The following XKR9 variants were observed in gnomAD, a reference collection of about 807,000 sequenced individuals.
The protein encoded by XKR9 is XK related 9, also known as XK-related protein 9.
XKR9 carries 32 observed loss-of-function variants against 32.0 expected under a neutral mutation model. The observed-to-expected ratio is 1.00, with a 90% confidence interval of 0.76 to 1.34. XKR9 has a LOEUF of 1.34. Ranked by LOEUF, XKR9 falls within the 40% of genes most tolerant of loss-of-function variation. The pLI is 0.00. For synonymous variants in XKR9, 168 were observed against 143.4 expected (o/e 1.17, Z -1.22); for missense variants, 546 against 429.7 (o/e 1.27, Z -2.39).
At chr8:70,729,280 C>T (rs1002003402) in intron 4 of XKR9, among the ~76,000 whole-genome samples, 1 of 152,084 alleles carries the variant, frequency 6.6e-6, no homozygotes, top group African/African-American at 2.4e-5. Context: ...AAATTTTGTT[C>T]ATAGGAATGT....
At chr8:70,675,923 A>ATGT (rs1818870072) in intron 2 of XKR9, among the ~76,000 whole-genome samples, 1 of 152,106 alleles carries the variant, frequency 6.6e-6, no homozygotes, top group Non-Finnish European at 1.5e-5. Flanking sequence ...CACTGTTTTC[A>ATGT]TGTTTTCAGG....
the XKR9 span, among the ~76,000 whole-genome samples, chr8:70,914,012 GT>G: frequency 6.6e-6 from 1 of 152,032 alleles, no homozygotes; most frequent in Non-Finnish European, 1.5e-5. Flanking sequence ...GCTGTTTCCA[GT>G]TTGGGCTATT....
At chr8:70,864,392 T>A in the XKR9 span, among the ~76,000 whole-genome samples, 7 of 152,222 alleles carry the variant, frequency 4.6e-5, no homozygotes, top group Non-Finnish European at 1.5e-5. Context: ...CCATGTATGA[T>A]TCTATGAGCA....
At chr8:70,852,278 AAAC>A in the XKR9 span, among the ~76,000 whole-genome samples, 40 of 152,336 alleles carry the variant, frequency 2.6e-4, no homozygotes, top group African/African-American at 8.7e-4. Flanking sequence ...AAAAGTCAGG[AAAC>A]AACAGCTGCT....
the XKR9 span, among the ~76,000 whole-genome samples, chr8:70,912,661 A>C: frequency 1.7e-3 from 252 of 152,280 alleles, 1 homozygote; most frequent in African/African-American, 5.8e-3. Flanking sequence ...TCTGGAGCTC[A>C]GACCGCAGAA....
the XKR9 span, among the ~76,000 whole-genome samples, chr8:70,895,651 T>C: frequency 6.6e-6 from 1 of 151,994 alleles, no homozygotes; most frequent in Non-Finnish European, 1.5e-5. Context: ...ATGTTAGCTA[T>C]AGATTTTTTG....
chr8:70,747,905 A>G (rs1272069538), intron 2 of XKR9, among the ~76,000 whole-genome samples: 2 of 152,170 alleles, frequency 1.3e-5, no homozygotes, highest in East Asian at 3.8e-4. Context: ...AATAATAATA[A>G]TGTCTTCATG....
At chr8:70,802,499 T>C in the XKR9 span, among the ~76,000 whole-genome samples, 2 of 152,324 alleles carry the variant, frequency 1.3e-5, no homozygotes, top group East Asian at 3.9e-4. Context: ...TATTTATATG[T>C]GTGGGTTTGA....
the XKR9 span, among the ~76,000 whole-genome samples, chr8:70,851,768 A>C: frequency 1.3e-5 from 2 of 152,236 alleles, no homozygotes; most frequent in African/African-American, 4.8e-5. Flanking sequence ...CTTACACCTT[A>C]TACAAAAATT....
At chr8:70,722,934 A>G (rs545059776) in intron 4 of XKR9, among the ~76,000 whole-genome samples, 3 of 151,958 alleles carry the variant, frequency 2.0e-5, no homozygotes, top group Non-Finnish European at 4.4e-5. Context: ...CAGATACACC[A>G]GTGAATCGTA....
At chr8:70,814,581 G>T in the XKR9 span, among the ~76,000 whole-genome samples, 1 of 150,758 alleles carries the variant, frequency 6.6e-6, no homozygotes, top group East Asian at 1.9e-4. Context: ...CAACAAACTA[G>T]AAAGAACATA....
the XKR9 span, among the ~76,000 whole-genome samples, chr8:70,796,433 T>C: frequency 6.6e-6 from 1 of 152,194 alleles, no homozygotes; most frequent in Non-Finnish European, 1.5e-5. Context: ...ATTTCCTTTT[T>C]TCTTCATCAT....
the XKR9 span, among the ~76,000 whole-genome samples, chr8:70,908,435 T>C: frequency 6.6e-6 from 1 of 152,116 alleles, no homozygotes; most frequent in South Asian, 2.1e-4. Flanking sequence ...ACCAGGGAGT[T>C]TTTAAAAAAA....
the XKR9 span, among the ~76,000 whole-genome samples, chr8:70,984,155 T>C: frequency 7.0e-3 from 1,065 of 152,340 alleles, 12 homozygotes; most frequent in African/African-American, 0.024. Flanking sequence ...GGAAAGCTTA[T>C]GTGATTGGTA....
the XKR9 span, among the ~76,000 whole-genome samples, chr8:70,821,648 G>T: frequency 6.6e-6 from 1 of 152,178 alleles, no homozygotes; most frequent in Non-Finnish European, 1.5e-5. Context: ...TGACTTTTGC[G>T]TGCCTTCACG....
rs529741395 is a variant in XKR9, at chr8:70,689,464, T to G, written c.272+8134T>G. On this transcript the variant is annotated intron_variant, in intron 3 of 4. Coordinates refer to ENST00000408926, the MANE Select transcript of XKR9 (RefSeq NM_001011720.2). Reference sequence around the variant, plus strand: ...TGCAAATATATATATATATATGTATTTTATGTATATATATGTATTTTTTAT... The same window carrying G: ...TGCAAATATATATATATATATGTATGTTATGTATATATATGTATTTTTTAT... Among the ~76,000 whole-genome samples, 38 of 148,358 alleles carry G rather than the reference T, an allele frequency of 2.6e-4. 3 individuals are homozygous for G. The East Asian group carries it at 4.3e-3, about 17-fold the overall frequency.
At chr8:71,002,737 A>T in the XKR9 span, among the ~76,000 whole-genome samples, 1 of 152,248 alleles carries the variant, frequency 6.6e-6, no homozygotes, top group African/African-American at 2.4e-5. Flanking sequence ...AGCTGTAAAA[A>T]AACTCAGACA....
intron 2 of XKR9, among the ~76,000 whole-genome samples, chr8:70,767,360 C>A (rs1246309272): frequency 6.6e-6 from 1 of 151,996 alleles, no homozygotes; most frequent in African/African-American, 2.4e-5. Flanking sequence ...TTATCCATTT[C>A]TTCTAGATTT....
downstream of XKR9, among the ~76,000 whole-genome samples, chr8:70,792,343 C>T (rs972751306): frequency 2.6e-5 from 4 of 151,986 alleles, no homozygotes; most frequent in African/African-American, 7.2e-5. Context: ...GGGATAAGTA[C>T]CAAGATCCTC....
Sources: gnomAD v4.1 joint callset for allele counts (sites outside exome capture counted in the v4.1 genomes callset) on GRCh38, gnomAD v4.1.1 for gene constraint, MANE v1.5 for transcripts, NCBI Gene and HGNC (gene_info 2026-07-23, HGNC 2026-07-21) for gene names.